CCDC102B: variants seen among roughly 807,000 people sequenced by gnomAD.
The protein encoded by CCDC102B is coiled-coil domain containing 102B.
Under a neutral mutation model 57.4 loss-of-function variants are expected in CCDC102B, and 75 were observed. The ratio of observed to expected loss-of-function variants is 1.31; its 90% CI spans 1.08 to 1.58. The LOEUF is 1.58. Among genes scored for constraint, CCDC102B ranks in the 40% most tolerant of loss-of-function variants. The pLI, the probability that CCDC102B is intolerant of heterozygous loss-of-function variation, is 0.00. For missense variants in CCDC102B, 636 were observed against 582.6 expected, an observed-to-expected ratio of 1.09 and a Z score of -0.94; for synonymous variants, 206 against 201.9, an observed-to-expected ratio of 1.02 and a Z score of -0.17.
At chr18:68,807,725 C>T (rs2036083583) in intron 1 of CCDC102B, among the ~76,000 whole-genome samples, 1 of 151,980 alleles carries the variant, frequency 6.6e-6, no homozygotes, top group Non-Finnish European at 1.5e-5. Context: ...AACAACTATG[C>T]AAAAATGAAA....
intron 2 of CCDC102B, among the ~76,000 whole-genome samples, chr18:68,724,345 A>C (rs2032497037): frequency 6.6e-6 from 1 of 152,160 alleles, no homozygotes; most frequent in African/African-American, 2.4e-5. Flanking sequence ...CTCACTACTT[A>C]TGCAAATTTC....
At chr18:69,041,453 C>A (rs1047303329) in intron 7 of CCDC102B, among the ~76,000 whole-genome samples, 15 of 152,016 alleles carry the variant, frequency 9.9e-5, no homozygotes, top group Non-Finnish European at 1.9e-4. Flanking sequence ...ATTACTGCTC[C>A]CATGATCTTT....
chr18:68,823,295 G>A (rs989102522), intron 1 of CCDC102B: 1 of 152,234 alleles, frequency 6.6e-6, no homozygotes, highest in Non-Finnish European at 1.5e-5. Flanking sequence ...TGTCTGTAGA[G>A]TGTATGTTTG....
At chr18:68,983,147 G>T (rs950201881) in intron 6 of CCDC102B, among the ~76,000 whole-genome samples, 2 of 151,392 alleles carry the variant, frequency 1.3e-5, no homozygotes, top group Non-Finnish European at 3.0e-5. Flanking sequence ...AATCCTCAGG[G>T]GTGATTAAAA....
chr18:69,014,958 T>TGAGA (rs748203787), intron 7 of CCDC102B, among the ~76,000 whole-genome samples: 6,320 of 114,444 alleles, frequency 0.055, 476 homozygotes, highest in African/African-American at 0.17. Context: ...TGTATGTGAA[T>TGAGA]GAGAGAGAGA....
chr18:68,921,191 C>G (rs1369184213), intron 6 of CCDC102B, among the ~76,000 whole-genome samples: 1 of 152,112 alleles, frequency 6.6e-6, no homozygotes, highest in Non-Finnish European at 1.5e-5. Flanking sequence ...TGGCTGTATC[C>G]CCACCCAAAT....
At chr18:69,009,426 A>G (rs1324056188) in intron 6 of CCDC102B, among the ~76,000 whole-genome samples, 2 of 152,070 alleles carry the variant, frequency 1.3e-5, no homozygotes, top group African/African-American at 4.8e-5. Context: ...ACAATTTTCT[A>G]CAATATCTAT....
intron 7 of CCDC102B, among the ~76,000 whole-genome samples, chr18:69,053,030 T>A (rs2052746724): frequency 6.6e-6 from 1 of 151,908 alleles, no homozygotes. Flanking sequence ...CAGAAGGTCT[T>A]GGAACCAATC....
At chr18:68,823,931 C>T (rs569425134) in intron 1 of CCDC102B, among the ~76,000 whole-genome samples, 1 of 151,682 alleles carries the variant, frequency 6.6e-6, no homozygotes, top group East Asian at 1.9e-4. Flanking sequence ...GATTTAAGTT[C>T]CTTAAGCATT....
chr18:68,939,603 A>G (rs1273384153), intron 6 of CCDC102B, among the ~76,000 whole-genome samples: 1 of 151,816 alleles, frequency 6.6e-6, no homozygotes, highest in Admixed American at 6.6e-5. Flanking sequence ...AAGTAAAGTT[A>G]CTTTTATTAA....
At chr18:68,832,316 A>AT (rs1367991324) in intron 1 of CCDC102B, among the ~76,000 whole-genome samples, 2 of 152,106 alleles carry the variant, frequency 1.3e-5, no homozygotes, top group African/African-American at 4.8e-5. Flanking sequence ...GTACAGAGGG[A>AT]TTTTTTGGAT....
chr18:68,895,717 G>A (rs1359258402), intron 5 of CCDC102B, among the ~76,000 whole-genome samples: 1 of 151,406 alleles, frequency 6.6e-6, no homozygotes, highest in Non-Finnish European at 1.5e-5. Flanking sequence ...TTGTATTTAT[G>A]GTATTATATG....
At chr18:68,985,175 T>C (rs1422077521) in intron 6 of CCDC102B, among the ~76,000 whole-genome samples, 1 of 152,152 alleles carries the variant, frequency 6.6e-6, no homozygotes, top group Admixed American at 6.6e-5. Context: ...CATGGAAGCA[T>C]AAAGTTTCAA....
At chr18:69,013,278 A>G (rs796623242) in intron 7 of CCDC102B, among the ~76,000 whole-genome samples, 28 of 152,248 alleles carry the variant, frequency 1.8e-4, no homozygotes, top group African/African-American at 6.7e-4. Context: ...GCACTCAGAC[A>G]CAGAAAGACA....
intron 6 of CCDC102B, among the ~76,000 whole-genome samples, chr18:68,987,120 C>A (rs1225666556): frequency 6.6e-6 from 1 of 152,106 alleles, no homozygotes; most frequent in Non-Finnish European, 1.5e-5. Flanking sequence ...CAAAGCAACC[C>A]TAAGTGAAAA....
chr18:68,891,399 T>C (rs906555696), intron 5 of CCDC102B, among the ~76,000 whole-genome samples: 16 of 152,240 alleles, frequency 1.1e-4, no homozygotes, highest in Non-Finnish European at 1.6e-4. Context: ...CTGGAGGATA[T>C]TATTACAGTT....
rs764216625 is a variant in CCDC102B at position 68,725,908 on chromosome 18, A to C, written c.-67+9314A>C. On this transcript the variant is annotated intron_variant, in intron 2 of 3. Transcript: ENST00000578970. ...TGTGAAGGACTGGGCCTCTTGACCA[A>C]ATTCCTGTGGGGGAACCAAGGCCTT... Among the ~76,000 whole-genome samples the C allele has an allele frequency of 2.0e-5, 3 of 152,176 alleles. No individual in the cohort carries two copies. The East Asian group carries it at 5.8e-4, about 29-fold the overall frequency.
intron 7 of CCDC102B, among the ~76,000 whole-genome samples, chr18:69,022,995 A>G (rs1310475818): frequency 3.9e-5 from 6 of 152,126 alleles, no homozygotes; most frequent in Admixed American, 3.9e-4. Context: ...AAAAAAAAAA[A>G]AAATAGAAAA....
chr18:68,883,866 C>T (rs2039780497), intron 5 of CCDC102B, among the ~76,000 whole-genome samples: 1 of 151,988 alleles, frequency 6.6e-6, no homozygotes, highest in Non-Finnish European at 1.5e-5. Context: ...GTTAATAAGC[C>T]CCTCCTGTTT....
Sources: allele counts gnomAD v4.1 joint callset (sites outside exome capture counted in the v4.1 genomes callset), GRCh38; gene constraint gnomAD v4.1.1; transcripts MANE v1.5; gene names NCBI Gene and HGNC (gene_info 2026-07-23, HGNC 2026-07-21).